VLDLR: variants seen among roughly 807,000 people sequenced by gnomAD.
VLDLR encodes the protein very low density lipoprotein receptor.
VLDLR carries 81 observed loss-of-function variants against 112.7 expected under a neutral mutation model. The observed-to-expected ratio is 0.72, with a 90% CI of 0.60 to 0.86. The LOEUF is 0.86. VLDLR is among the 40% of genes least tolerant of loss of function. The pLI, the probability that VLDLR is intolerant of heterozygous loss-of-function variation, is 0.00. For missense variants in VLDLR, 1,237 were observed against 1,099.4 expected (o/e 1.13, Z -1.77); for synonymous variants, 436 against 384.8 (o/e 1.13, Z -1.56).
At chr9:2,648,395 A>C in intron 13 of VLDLR, 48 bp downstream of exon 13, 1 of 1,612,674 alleles carries the variant, frequency 6.2e-7, no homozygotes, top group South Asian at 1.1e-5. Context: ...CTACTATATC[A>C]CTTTGAGAAG....
chr9:2,628,385 G>A (rs921658680), intron 1 of VLDLR, among the ~76,000 whole-genome samples: 3 of 152,236 alleles, frequency 2.0e-5, no homozygotes, highest in Non-Finnish European at 4.4e-5. Context: ...AAGCAGCCAT[G>A]AGGAAGGGCA....
intron 1 of VLDLR, among the ~76,000 whole-genome samples, chr9:2,630,014 G>C (rs1301757469): frequency 6.6e-6 from 1 of 152,116 alleles, no homozygotes; most frequent in Non-Finnish European, 1.5e-5. Flanking sequence ...GGCTGGTCTT[G>C]AACCCCTGAC....
chr9:2,623,535 C>T (rs77618765), intron 1 of VLDLR, among the ~76,000 whole-genome samples: 58 of 152,340 alleles, frequency 3.8e-4, no homozygotes, highest in East Asian at 3.9e-4. Flanking sequence ...GGTCAAGGAG[C>T]CTGTCGGGCA....
rs10967320 is a variant in VLDLR, at chr9:2,644,002, C to T, written c.1066+43C>T. 0.1 allele frequency: 167,833 copies of T among 1,613,272 alleles called. 12,137 individuals are homozygous for T. The highest frequency in any genetic ancestry group is 0.38 in the African/African-American group (28,242 of 74,814). ...TCAAGTACAGATCCTGGAAGTTTGACACAATCCAGTATAGCTAACACTGTG... is the reference window on the plus strand; with the variant it reads ...TCAAGTACAGATCCTGGAAGTTTGATACAATCCAGTATAGCTAACACTGTG... On this transcript the variant is annotated intron_variant, in intron 7 of 18. Coordinates refer to ENST00000382100, the MANE Select transcript of VLDLR (RefSeq NM_003383.5).
chr9:2,648,736 A>G lies in VLDLR; in HGVS notation c.2030A>G (p.Glu677Gly), dbSNP rs754211142. The G allele has an allele frequency of 1.2e-6, 2 of 1,614,164 alleles. No homozygotes were observed. Among genetic ancestry groups the G allele is most frequent in the Admixed American group, 1.7e-5 (1 of 60,028 alleles). ...GGTGCCAATAAATTCACTGGATCAGAGCTAGCCACTCTAGTCAACAACCTG... is the reference window on the plus strand; with the variant it reads ...GGTGCCAATAAATTCACTGGATCAGGGCTAGCCACTCTAGTCAACAACCTG... ...VYGANKFTGS[E>G]LATLVNNLND... is the part of the protein sequence containing the mutation. Residue 677 changes from glutamate to glycine, a missense_variant, in exon 14 of 19, where the codon GAG (glutamate) becomes GGG (glycine). Coordinates refer to ENST00000382100, the MANE Select transcript of VLDLR (RefSeq NM_003383.5).
At chr9:2,622,559 C>T (rs1816861432) in intron 1 of VLDLR, among the ~76,000 whole-genome samples, 1 of 152,234 alleles carries the variant, frequency 6.6e-6, no homozygotes, top group South Asian at 2.1e-4. Context: ...CCTCGTTTCT[C>T]GCCCTCTTGA....
At chr9:2,624,276 C>T (rs28439743) in intron 1 of VLDLR, among the ~76,000 whole-genome samples, 4,545 of 152,238 alleles carry the variant, frequency 0.03, 222 homozygotes, top group African/African-American at 0.1. Flanking sequence ...TGGGCTGAGG[C>T]AGTTATTGAC....
rs1197836685 is a variant in VLDLR at position 2,621,834 on chromosome 9, C to T, written c.-356C>T. The T allele has an allele frequency of 1.9e-6, 1 of 525,560 alleles. No individual in the cohort carries two copies. 32.6% of individuals were successfully genotyped at this position (525,560 alleles called of 1,614,324 possible). A position where few individuals can be genotyped will look rare whatever the true frequency, so the allele number is the denominator to read the frequency against. On this transcript the variant is annotated 5_prime_UTR_variant, in exon 1 of 19. Transcript: ENST00000382100. ...GGTGCGGGTGCTCCGCTACCGGCTC[C>T]TCTCCGTTCTGTGCTCTCTTCTGCT...
At chr9:2,629,050 A>T (rs1586635855) in intron 1 of VLDLR, among the ~76,000 whole-genome samples, 1 of 152,376 alleles carries the variant, frequency 6.6e-6, no homozygotes, top group East Asian at 1.9e-4. Context: ...GAAATTGGCA[A>T]CATTAATTCA....
chr9:2,643,037 C>T (rs973973596), intron 4 of VLDLR, 123 bp from the exon 5 acceptor site: 1 of 1,443,136 alleles, frequency 6.9e-7, no homozygotes, highest in Non-Finnish European at 9.5e-7. Flanking sequence ...TCCATTGTAG[C>T]CTTTAAGTTG....
At chr9:2,653,492 A>C (rs1281052437) in intron 18 of VLDLR, among the ~76,000 whole-genome samples, 1 of 152,248 alleles carries the variant, frequency 6.6e-6, no homozygotes, top group Non-Finnish European at 1.5e-5. Context: ...TGAACAAAAC[A>C]AGTATTGATC....
chr9:2,657,695 T>G lies in VLDLR; in HGVS notation c.*3827T>G, dbSNP rs530009019. 1 of 152,366 alleles carries G rather than the reference T, an allele frequency of 6.6e-6. No individual in the cohort carries two copies. The highest frequency in any genetic ancestry group is 1.5e-5 in the Non-Finnish European group (1 of 68,052). The allele number at this position is 152,366 out of a possible 1,614,324, so 9.4% of individuals were successfully genotyped here. A position where few individuals can be genotyped will look rare whatever the true frequency, so the allele number is the denominator to read the frequency against. On this transcript the variant is annotated 3_prime_UTR_variant, in exon 19 of 19. Transcript: ENST00000382100. The stretch of plus-strand genomic sequence containing the variant: ...TCTGTTGGCGGCTGCTGGCCAAGTG[T>G]GCACACTTAGCCCTGGTTGAGGTGC...
At chr9:2,630,274 A>G (rs1169413962) in intron 1 of VLDLR, among the ~76,000 whole-genome samples, 1 of 152,184 alleles carries the variant, frequency 6.6e-6, no homozygotes, top group Non-Finnish European at 1.5e-5. Flanking sequence ...AAGGAGTTTT[A>G]GCTTACAAAT....
chr9:2,635,971 G>A (rs1817587024), intron 2 of VLDLR, among the ~76,000 whole-genome samples: 1 of 152,098 alleles, frequency 6.6e-6, no homozygotes. Flanking sequence ...TAAAGTTTCA[G>A]GGGGTTAATT....
intron 3 of VLDLR, among the ~76,000 whole-genome samples, chr9:2,640,249 C>T (rs1202652161): frequency 6.6e-6 from 1 of 152,152 alleles, no homozygotes; most frequent in Non-Finnish European, 1.5e-5. Context: ...TCAAGAACTC[C>T]TTGACTAGGT....
Position 2,651,423 on chromosome 9 carries a change from A to G in VLDLR, c.2260A>G (p.Thr754Ala). ...ENGRDCQSTA[T>A]TVTYSETKDT... is the part of the protein sequence containing the mutation. Reference sequence around the variant, plus strand: ...TGGTTTTTATAATTCAGGTACTGCAACTACTGTGACTTACAGTGAGACAAA... The same window carrying G: ...TGGTTTTTATAATTCAGGTACTGCAGCTACTGTGACTTACAGTGAGACAAA... Residue 754 changes from threonine to alanine, a missense_variant, in exon 16 of 19, where the codon ACT (threonine) becomes GCT (alanine). Coordinates refer to ENST00000382100, the MANE Select transcript of VLDLR (RefSeq NM_003383.5). 1.2e-6 allele frequency: 2 copies of G among 1,613,918 alleles called. No individual in the cohort carries two copies. Among genetic ancestry groups the G allele is most frequent in the Non-Finnish European group, 8.5e-7 (1 of 1,179,916 alleles).
chr9:2,644,663 G>C, intron 7 of VLDLR, 71 bp from the exon 8 acceptor site: 1 of 1,606,550 alleles, frequency 6.2e-7, no homozygotes, highest in Non-Finnish European at 8.5e-7. Context: ...ATCACAAATA[G>C]CCTGGGTTTT....
rs34003761 is a variant in VLDLR, at chr9:2,651,348, T to C, written c.2252-67T>C. On this transcript the variant is annotated intron_variant, in intron 15 of 18. Coordinates refer to ENST00000382100, the MANE Select transcript of VLDLR (RefSeq NM_003383.5). ...TTAAAATAACCTTTTACATGGCTTG[T>C]CTGGACAAAACAGCTAGCCATGCTG... 0.041 allele frequency: 56,890 copies of C among 1,400,582 alleles called. 1,802 individuals are homozygous for C. The highest frequency in any genetic ancestry group is 0.15 in the African/African-American group (10,833 of 70,176). 86.8% of individuals were successfully genotyped at this position (1,400,582 alleles called of 1,614,324 possible).
intron 1 of VLDLR, among the ~76,000 whole-genome samples, chr9:2,623,999 G>T (rs138053467): frequency 1.3e-5 from 2 of 152,148 alleles, no homozygotes; most frequent in African/African-American, 2.4e-5. Context: ...TATACCAGAA[G>T]GAGGGACAAT....
Sources: allele counts gnomAD v4.1 joint callset (sites outside exome capture counted in the v4.1 genomes callset), GRCh38; gene constraint gnomAD v4.1.1; transcripts MANE v1.5; gene names NCBI Gene and HGNC (gene_info 2026-07-23, HGNC 2026-07-21).